The following CCT8 variants were observed in gnomAD, a reference collection of about 807,000 sequenced individuals.
The protein encoded by CCT8 is chaperonin containing TCP1 subunit 8, also known as T-complex protein 1 subunit theta.
A neutral mutation model predicts 65.7 loss-of-function variants in CCT8; 10 were observed. The ratio of observed to expected loss-of-function variants is 0.15; its 90% CI spans 0.09 to 0.26. CCT8 has a LOEUF of 0.26. CCT8 is among the 10% of genes least tolerant of loss of function. The pLI, the probability that CCT8 is intolerant of heterozygous loss-of-function variation, is 1.00. For missense variants in CCT8, 568 were observed against 669.1 expected (o/e 0.85, Z 1.67); for synonymous variants, 199 against 221.8 (o/e 0.90, Z 0.92).
Position 29,062,405 on chromosome 21 carries a change from A to T in CCT8, c.1019T>A (p.Val340Asp). Reference sequence around the variant, plus strand: ...GTCACAGTGTCCCATTTCTTCAAGGACAGGAGGTGTCTGTAAGAAAGTGAC... The same window carrying T: ...GTCACAGTGTCCCATTTCTTCAAGGTCAGGAGGTGTCTGTAAGAAAGTGAC... ...ATALPRLTPP[V>D]LEEMGHCDSV... is the part of the protein sequence containing the mutation. The change falls in exon 10 of 15, where the codon GTC becomes GAC. Residue 340 changes from valine to aspartate, a missense_variant. Physicochemically the swap from Val to Asp is radical, Grantham distance 152 (BLOSUM62 -3). Transcript: ENST00000286788. 6.2e-7 allele frequency: 1 copy of T among 1,613,616 alleles called. No homozygotes were observed.
At position 29,056,538 on chromosome 21, in the gene CCT8, T is replaced by C; in HGVS notation, c.1584A>G (p.Lys528=). 6.4e-7 allele frequency: 1 copy of C among 1,558,740 alleles called. No homozygotes were observed. Among genetic ancestry groups the C allele is most frequent in the Non-Finnish European group, 8.7e-7 (1 of 1,152,516 alleles). Reference sequence around the variant, plus strand: ...TTGGAGGCTTGGGCCCACCAGCTGGTTTTGCCATGATGATCTGCATAAAAA... The same window carrying C: ...TTGGAGGCTTGGGCCCACCAGCTGGCTTTGCCATGATGATCTGCATAAAAA... ...VLRVDQIIMA[K]PAGGPKPPSG... The change falls in exon 15 of 15, where the codon AAA becomes AAG. Residue 528 remains lysine (K), a synonymous_variant. Coordinates refer to ENST00000286788, the MANE Select transcript of CCT8 (RefSeq NM_006585.4).
At chr21:29,067,135 T>G in intron 4 of CCT8, 64 bp from the exon 5 acceptor site, 1 of 1,054,080 alleles carries the variant, frequency 9.5e-7, no homozygotes, top group Non-Finnish European at 1.4e-6. Context: ...GGTAACCCAA[T>G]GCATATGGAT....
intron 1 of CCT8, chr21:29,073,273 T>G: frequency 7.6e-7 from 1 of 1,308,964 alleles, no homozygotes; most frequent in Non-Finnish European, 9.8e-7. Context: ...CGGCTTCACA[T>G]CCGTCCACCT....
intron 14 of CCT8, among the ~76,000 whole-genome samples, chr21:29,059,040 C>T (rs567155921): frequency 1.7e-3 from 264 of 152,026 alleles, no homozygotes; most frequent in Non-Finnish European, 3.1e-3. Context: ...CAGCCTCCTG[C>T]GTAGCTGGGA....
At chr21:29,072,540 C>T (rs2085693483) in intron 1 of CCT8, among the ~76,000 whole-genome samples, 1 of 152,134 alleles carries the variant, frequency 6.6e-6, no homozygotes, top group African/African-American at 2.4e-5. Context: ...AAAGATTATT[C>T]CACCAACATT....
chr21:29,067,593 G>A lies in CCT8; in HGVS notation c.344C>T (p.Ala115Val). Residue 115 changes from alanine (A) to valine (V), a missense_variant, in exon 4 of 15, where the codon GCT becomes GTT. By Grantham distance (64) the Ala-to-Val change is moderately conservative. Coordinates refer to ENST00000286788, the MANE Select transcript of CCT8 (RefSeq NM_006585.4). ...CAGGCCAATCCTCAGAAGTTCTTCAGCTAATTCCAGGAGAGCTCCAGCAAA... is the reference window on the plus strand; with the variant it reads ...CAGGCCAATCCTCAGAAGTTCTTCAACTAATTCCAGGAGAGCTCCAGCAAA... ...LVFAGALLEL[A>V]EELLRIGLSV... is the part of the protein sequence containing the mutation. 6.9e-7 allele frequency: 1 copy of A among 1,451,944 alleles called. No individual in the cohort carries two copies. The highest frequency in any genetic ancestry group is 9.0e-7 in the Non-Finnish European group (1 of 1,105,866). 89.9% of individuals were successfully genotyped at this position (1,451,944 alleles called of 1,614,324 possible).
At position 29,064,703 on chromosome 21, in the gene CCT8, CA is replaced by C. The variant is rs533663681; in HGVS notation, c.762+264del. ...AGAGCACACAAAATACTCACATTCT[CA>C]TATTCTTTCACTTGCTGAATGTATA... is the stretch of plus-strand genomic sequence containing the variant. On this transcript the variant is annotated intron_variant, in intron 7 of 14. Coordinates refer to ENST00000286788, the MANE Select transcript of CCT8 (RefSeq NM_006585.4). Among the ~76,000 whole-genome samples, 22 of 152,304 alleles carry C rather than the reference CA, an allele frequency of 1.4e-4. No homozygotes were observed. In the East Asian group the frequency reaches 4.2e-3, roughly 29 times the overall value.
rs1288262908 is a variant in CCT8 at position 29,063,455 on chromosome 21, C to T, written c.838G>A (p.Val280Ile). Residue 280 changes from valine (V) to isoleucine (I), a missense_variant, in exon 8 of 15, where the codon GTC (valine) becomes ATC (isoleucine). Transcript: ENST00000286788. Reference protein sequence around the residue: ...KGEENLMDAQVKAIADTGANV... With the variant: ...KGEENLMDAQIKAIADTGANV... ...GCACCAGTATCAGCAATAGCTTTGA[C>T]TTGTGCATCCATGAGGTTTTCTTCT... 1 of 1,613,998 alleles carries T rather than the reference C, an allele frequency of 6.2e-7. No homozygotes were observed. The highest frequency in any genetic ancestry group is 8.5e-7 in the Non-Finnish European group (1 of 1,180,008).
intron 14 of CCT8, among the ~76,000 whole-genome samples, chr21:29,057,708 TAA>T (rs2085516177): frequency 6.8e-6 from 1 of 146,516 alleles, no homozygotes; most frequent in East Asian, 2.0e-4. Context: ...ATATCATATA[TAA>T]TATATATCAT....
chr21:29,060,727 A>T, intron 13 of CCT8, 67 bp from the exon 14 acceptor site: 1 of 1,546,766 alleles, frequency 6.5e-7, no homozygotes, highest in Admixed American at 1.7e-5. Context: ...CACCCACAAA[A>T]AGCCTCACAT....
intron 1 of CCT8, among the ~76,000 whole-genome samples, chr21:29,070,877 A>C (rs2085672812): frequency 6.6e-6 from 1 of 152,242 alleles, no homozygotes; most frequent in Non-Finnish European, 1.5e-5. Flanking sequence ...TTATTGTGTT[A>C]GAATCTGGGC....
intron 6 of CCT8, among the ~76,000 whole-genome samples, 172 bp from the exon 7 acceptor site, chr21:29,065,277 C>G (rs141148644): frequency 6.6e-6 from 1 of 152,164 alleles, no homozygotes; most frequent in Non-Finnish European, 1.5e-5. Flanking sequence ...CCCTTCTGCT[C>G]GAGGCAGAAA....
At chr21:29,062,060 A>T in intron 11 of CCT8, 68 bp downstream of exon 11, 1 of 1,023,630 alleles carries the variant, frequency 9.8e-7, no homozygotes, top group Non-Finnish European at 1.5e-6. Context: ...GAGTCTGCAA[A>T]CTGTACTTTT....
At chr21:29,057,751 A>G (rs1237816403) in intron 14 of CCT8, among the ~76,000 whole-genome samples, 5 of 92,276 alleles carry the variant, frequency 5.4e-5, no homozygotes, top group Non-Finnish European at 9.3e-5. Context: ...TATCATGTAT[A>G]TGTATGATAT....
Position 29,070,323 on chromosome 21 carries a change from T to G in CCT8, c.75A>C (p.Leu25Phe). The G allele has an allele frequency of 3.1e-6, 5 of 1,610,016 alleles. No homozygotes were observed. The highest frequency in any genetic ancestry group is 4.2e-6 in the Non-Finnish European group (5 of 1,177,964). ...LKEGAKHFSGLEEAVYRNIQA... is the reference protein window; with the variant it reads ...LKEGAKHFSGFEEAVYRNIQA... Reference sequence around the variant, plus strand: ...GTATGTTTCTATACACAGCCTCTTCTAATCCTGAAAAGTGCTGTTAAAAAA... The same window carrying G: ...GTATGTTTCTATACACAGCCTCTTCGAATCCTGAAAAGTGCTGTTAAAAAA... Residue 25 changes from leucine to phenylalanine, a missense_variant, in exon 2 of 15, where the codon TTA (leucine) becomes TTC (phenylalanine). Physicochemically the swap from Leu to Phe is conservative, Grantham distance 22. Coordinates refer to ENST00000286788, the MANE Select transcript of CCT8 (RefSeq NM_006585.4).
At chr21:29,069,367 C>G (rs1454750907) in intron 3 of CCT8, 56 bp downstream of exon 3, 7 of 959,862 alleles carry the variant, frequency 7.3e-6, no homozygotes, top group Non-Finnish European at 9.5e-6. Flanking sequence ...TAGTTAAAAT[C>G]TACTTAATTT....
At chr21:29,058,863 A>G (rs1270137206) in intron 14 of CCT8, among the ~76,000 whole-genome samples, 1 of 152,080 alleles carries the variant, frequency 6.6e-6, no homozygotes. Context: ...AAGTGCTGGG[A>G]TTACAGGCGT....
chr21:29,067,476 T>C (rs1255599774), intron 4 of CCT8, 80 bp downstream of exon 4: 2 of 1,154,998 alleles, frequency 1.7e-6, no homozygotes, highest in Admixed American at 3.0e-5. Flanking sequence ...ACTACTATAA[T>C]AATGATTTTA....
At chr21:29,062,877 T>G (rs897514153) in intron 8 of CCT8, 10 of 383,386 alleles carry the variant, frequency 2.6e-5, no homozygotes, top group Non-Finnish European at 4.7e-5. Flanking sequence ...CTTACAAAAC[T>G]CAACAGCATA....
Sources: allele counts gnomAD v4.1 joint callset (sites outside exome capture counted in the v4.1 genomes callset), GRCh38; gene constraint gnomAD v4.1.1; transcripts MANE v1.5; gene names NCBI Gene and HGNC (gene_info 2026-07-23, HGNC 2026-07-21).